Variants in PLEKHH2 observed in about 807,000 individuals in gnomAD.
The protein encoded by PLEKHH2 is pleckstrin homology, MyTH4 and FERM domain containing H2, also known as pleckstrin homology domain-containing family H member 2.
Under a neutral mutation model 187.9 loss-of-function variants are expected in PLEKHH2, and 129 were observed. The ratio of observed to expected loss-of-function variants is 0.69; its 90% CI spans 0.59 to 0.79. The LOEUF (loss-of-function observed/expected upper bound fraction) is 0.79, where lower values mean the gene tolerates loss of function less well. Ranked by LOEUF, PLEKHH2 falls within the 30% of genes least tolerant of loss-of-function variation. The probability of loss-of-function intolerance (pLI) is 0.00; values close to 1 mark genes in which losing one functional copy is unlikely to be tolerated. For missense variants in PLEKHH2, 2,076 were observed against 1,751.2 expected (o/e 1.19, Z -3.31); for synonymous variants, 686 against 605.6 (o/e 1.13, Z -1.95).
intron 26 of PLEKHH2, among the ~76,000 whole-genome samples, chr2:43,758,420 T>C (rs1672300052): frequency 6.6e-6 from 1 of 152,100 alleles, no homozygotes; most frequent in Non-Finnish European, 1.5e-5. Flanking sequence ...GCCTGGCTTA[T>C]TTTTGTATTT....
rs374405412 is a variant in PLEKHH2 at position 43,706,377 on chromosome 2, C to T, written c.1782C>T (p.Tyr594=). ...TTSGLYTSLI[Y]KNMTTPVYTT... ...CAGGACTTTATACATCTCTGATATA[C>T]AAGAACATGACCACCCCAGTGTATA... The change falls in exon 10 of 30, where the codon TAC becomes TAT. Residue 594 remains tyrosine (Y), a synonymous_variant. Coordinates refer to ENST00000282406, the MANE Select transcript of PLEKHH2 (RefSeq NM_172069.4). 9 of 1,608,654 alleles carry T rather than the reference C, an allele frequency of 5.6e-6. No homozygotes were observed. In the African/African-American group the frequency reaches 9.4e-5, roughly 17 times the overall value.
chr2:43,648,905 A>C (rs1666329948), intron 2 of PLEKHH2, among the ~76,000 whole-genome samples: 2 of 152,328 alleles, frequency 1.3e-5, no homozygotes, highest in South Asian at 2.1e-4. Flanking sequence ...TATTGATAGC[A>C]GATGTATTTC....
chr2:43,655,121 G>A lies in PLEKHH2; in HGVS notation c.123+10325G>A, dbSNP rs558663481. On this transcript the variant is annotated intron_variant, in intron 2 of 29. Transcript: ENST00000282406. Reference sequence around the variant, plus strand: ...CTCAGGAGGCTGAGGCAAGAGGATCGCCTGAGCCCAGAAGTTCCGGGGGCT... The same window carrying A: ...CTCAGGAGGCTGAGGCAAGAGGATCACCTGAGCCCAGAAGTTCCGGGGGCT... Among the ~76,000 whole-genome samples the A allele has an allele frequency of 9.3e-4, 142 of 152,134 alleles. 1 individual carries two copies. The highest frequency in any genetic ancestry group is 3.2e-3 in the African/African-American group (132 of 41,506).
chr2:43,743,678 A>C (rs1276487841), intron 22 of PLEKHH2, among the ~76,000 whole-genome samples, 156 bp from the exon 23 acceptor site: 1 of 152,094 alleles, frequency 6.6e-6, no homozygotes, highest in South Asian at 2.1e-4. Context: ...AACTTTGTTA[A>C]TTTTCTCCAG....
chr2:43,702,501 G>A (rs1346162111), intron 8 of PLEKHH2, among the ~76,000 whole-genome samples: 1 of 85,720 alleles, frequency 1.2e-5, no homozygotes, highest in African/African-American at 5.1e-5. Flanking sequence ...TTTTAAGTTC[G>A]TTTTATTTGG....
chr2:43,737,520 C>T (rs1382411892), intron 19 of PLEKHH2, among the ~76,000 whole-genome samples: 1 of 152,138 alleles, frequency 6.6e-6, no homozygotes, highest in Non-Finnish European at 1.5e-5. Context: ...GTGGTTCTGA[C>T]TCATAGTCTC....
At chr2:43,739,879 C>T (rs182888144) in intron 20 of PLEKHH2, among the ~76,000 whole-genome samples, 1 of 152,332 alleles carries the variant, frequency 6.6e-6, no homozygotes, top group Admixed American at 6.5e-5. Flanking sequence ...GCAACATATT[C>T]CCTGTGATGC....
At chr2:43,747,786 G>T (rs997001017) in intron 24 of PLEKHH2, among the ~76,000 whole-genome samples, 1 of 152,066 alleles carries the variant, frequency 6.6e-6, no homozygotes, top group African/African-American at 2.4e-5. Flanking sequence ...TTATTGGAGT[G>T]GTACTCAGAG....
At chr2:43,720,813 C>G in intron 16 of PLEKHH2, 64 bp downstream of exon 16, 1 of 1,527,344 alleles carries the variant, frequency 6.5e-7, no homozygotes, top group Non-Finnish European at 8.7e-7. Flanking sequence ...TTAAACTTTT[C>G]CTTTTCTCTC....
At chr2:43,651,034 T>A (rs768432002) in intron 2 of PLEKHH2, among the ~76,000 whole-genome samples, 1 of 152,220 alleles carries the variant, frequency 6.6e-6, no homozygotes, top group Non-Finnish European at 1.5e-5. Flanking sequence ...TTTACATTAA[T>A]GCAATGTGAA....
At chr2:43,724,335 G>A (rs911041890) in intron 16 of PLEKHH2, among the ~76,000 whole-genome samples, 1 of 152,216 alleles carries the variant, frequency 6.6e-6, no homozygotes, top group Non-Finnish European at 1.5e-5. Flanking sequence ...ATGTAAACGT[G>A]TGAGGTAAAT....
At chr2:43,670,150 A>G (rs1667425663) in intron 2 of PLEKHH2, among the ~76,000 whole-genome samples, 1 of 152,220 alleles carries the variant, frequency 6.6e-6, no homozygotes, top group African/African-American at 2.4e-5. Flanking sequence ...AAAAACAAAA[A>G]CATGACCTTT....
chr2:43,745,788 C>A, intron 23 of PLEKHH2, 78 bp from the exon 24 acceptor site: 1 of 1,029,036 alleles, frequency 9.7e-7, no homozygotes, highest in Non-Finnish European at 1.4e-6. Context: ...TGAAAAATTT[C>A]AGTCTGCAGC....
rs1055706780 is a variant in PLEKHH2 at position 43,712,397 on chromosome 2, G to C, written c.2460+14G>C. On this transcript the variant is annotated intron_variant, in intron 15 of 29. Transcript: ENST00000282406. ...TTGCTCACTAAGGTAGGAACCTCCT[G>C]TGCATAGCAATGTCCCAGGCAGCTA... The C allele has an allele frequency of 2.5e-6, 4 of 1,611,982 alleles. No individual in the cohort carries two copies. The highest frequency in any genetic ancestry group is 3.4e-6 in the Non-Finnish European group (4 of 1,179,254).
intron 2 of PLEKHH2, among the ~76,000 whole-genome samples, chr2:43,676,686 C>T (rs1038989545): frequency 6.6e-6 from 1 of 152,086 alleles, no homozygotes; most frequent in African/African-American, 2.4e-5. Flanking sequence ...GTATTCAGCC[C>T]CTGGTACAAC....
At chr2:43,729,576 G>T (rs1456422116) in intron 17 of PLEKHH2, 61 bp from the exon 18 acceptor site, 2 of 1,142,438 alleles carry the variant, frequency 1.8e-6, no homozygotes, top group African/African-American at 1.6e-5. Flanking sequence ...TATGCAAGTT[G>T]TTTTTTTTTC....
chr2:43,697,130 A>G lies in PLEKHH2; in HGVS notation c.503-41A>G, dbSNP rs201534036. 23 of 1,478,992 alleles carry G rather than the reference A, an allele frequency of 1.6e-5. No individual in the cohort carries two copies. In the East Asian group the frequency reaches 5.1e-4, roughly 33 times the overall value. The allele number at this position is 1,478,992 out of a possible 1,614,324, so 91.6% of individuals were successfully genotyped here. On this transcript the variant is annotated intron_variant, in intron 6 of 29. Coordinates refer to ENST00000282406, the MANE Select transcript of PLEKHH2 (RefSeq NM_172069.4). ...TTGGTTCTATGTTTAACAAACTTCT[A>G]TAAAAAATTCAAATCTTAATTTTGA...
At chr2:43,652,133 C>T (rs1052846368) in intron 2 of PLEKHH2, among the ~76,000 whole-genome samples, 1 of 152,138 alleles carries the variant, frequency 6.6e-6, no homozygotes, top group South Asian at 2.1e-4. Context: ...CTAGTGCACT[C>T]CAATTCACTT....
chr2:43,721,057 G>C (rs1390262464), intron 16 of PLEKHH2, among the ~76,000 whole-genome samples: 2 of 152,168 alleles, frequency 1.3e-5, no homozygotes, highest in Non-Finnish European at 2.9e-5. Context: ...TTACAGACCA[G>C]ATAAGGTTGA....
Sources: gnomAD v4.1 joint callset for allele counts (sites outside exome capture counted in the v4.1 genomes callset) on GRCh38, gnomAD v4.1.1 for gene constraint, MANE v1.5 for transcripts, NCBI Gene and HGNC (gene_info 2026-07-23, HGNC 2026-07-21) for gene names.